The following CDH7 variants were observed in gnomAD, a reference collection of about 807,000 sequenced individuals.
The protein encoded by CDH7 is cadherin 7, also known as cadherin-7.
In CDH7, 25 loss-of-function variants were observed where a neutral mutation model predicts 71.8. That is an observed-to-expected ratio of 0.35 (90% CI 0.25 to 0.49). CDH7 has a LOEUF of 0.49. Ranked by LOEUF, CDH7 falls within the 20% of genes least tolerant of loss-of-function variation. CDH7 has a pLI of 0.99. For missense variants in CDH7, 862 were observed against 974.6 expected, an observed-to-expected ratio of 0.88 and a Z score of 1.54; for synonymous variants, 381 against 363.8, an observed-to-expected ratio of 1.05 and a Z score of -0.54.
chr18:65,811,824 G>A (rs1449681927), intron 3 of CDH7, among the ~76,000 whole-genome samples: 1 of 151,962 alleles, frequency 6.6e-6, no homozygotes, highest in Non-Finnish European at 1.5e-5. Flanking sequence ...GTGCACTGTT[G>A]TTTTGATTTT....
intron 2 of CDH7, among the ~76,000 whole-genome samples, chr18:65,776,257 T>TC (rs1909935218): frequency 6.6e-6 from 1 of 151,890 alleles, no homozygotes; most frequent in Admixed American, 6.6e-5. Flanking sequence ...CAGAAACACT[T>TC]CCAGGATTTG....
Position 65,763,121 on chromosome 18 carries a change from C to CTA in CDH7, c.210+80_210+81dup, listed in dbSNP as rs759190447. 169 of 822,794 alleles carry CTA rather than the reference C, an allele frequency of 2.1e-4. No homozygotes were observed. In the East Asian group the frequency reaches 2.4e-3, roughly 12 times the overall value. 51.0% of individuals were successfully genotyped at this position (822,794 alleles called of 1,614,324 possible). A position where few individuals can be genotyped will look rare whatever the true frequency, so the allele number is the denominator to read the frequency against. On this transcript the variant is annotated intron_variant, in intron 2 of 11. Transcript: ENST00000397968. The stretch of plus-strand genomic sequence containing the variant: ...ATGTCTATGGTTTGATGAAAAACTG[C>CTA]TATATATATATAAAATTTATTTTTT...
At chr18:65,853,925 A>C (rs1913244160) in intron 7 of CDH7, among the ~76,000 whole-genome samples, 1 of 84,548 alleles carries the variant, frequency 1.2e-5, no homozygotes, top group African/African-American at 4.8e-5. Flanking sequence ...ATATATATAT[A>C]TATATATATA....
intron 6 of CDH7, among the ~76,000 whole-genome samples, chr18:65,827,561 C>A (rs1262990571): frequency 1.3e-5 from 2 of 151,800 alleles, no homozygotes; most frequent in East Asian, 1.9e-4. Context: ...CATTTTGAGC[C>A]TAAACACACT....
chr18:65,880,867 G>A lies in CDH7; in HGVS notation c.2331G>A (p.Gly777=). ...PRFKRLADMY[G]TGQESLYS ...TTAAACGACTCGCGGACATGTATGG[G>A]ACTGGCCAAGAGAGTTTGTACTCAT... Residue 777 remains glycine (G), a synonymous_variant, in exon 12 of 12, where the codon GGG becomes GGA. Coordinates refer to ENST00000397968, the MANE Select transcript of CDH7 (RefSeq NM_004361.5). 3 of 1,613,714 alleles carry A rather than the reference G, an allele frequency of 1.9e-6. No individual in the cohort carries two copies. The South Asian group carries it at 3.3e-5, about 18-fold the overall frequency.
chr18:65,760,673 C>A (rs138260135), intron 1 of CDH7, among the ~76,000 whole-genome samples: 2 of 152,244 alleles, frequency 1.3e-5, no homozygotes, highest in Non-Finnish European at 2.9e-5. Flanking sequence ...GCCACCTGAC[C>A]AGATCTCTAA....
intron 2 of CDH7, among the ~76,000 whole-genome samples, chr18:65,809,148 G>A (rs936278383): frequency 2.0e-5 from 3 of 152,062 alleles, no homozygotes; most frequent in Non-Finnish European, 2.9e-5. Flanking sequence ...TTTAAAATAC[G>A]GAACAGGACT....
chr18:65,797,460 G>A (rs1220916594), intron 2 of CDH7, among the ~76,000 whole-genome samples: 1 of 152,178 alleles, frequency 6.6e-6, no homozygotes, highest in East Asian at 1.9e-4. Context: ...TTGCAGAGAT[G>A]AGTCCCCAAG....
chr18:65,782,020 C>G (rs200932522), intron 2 of CDH7, among the ~76,000 whole-genome samples: 1 of 46,804 alleles, frequency 2.1e-5, no homozygotes, highest in Non-Finnish European at 3.6e-5. Context: ...CTTTCTCTCT[C>G]TCTTTCTCCC....
At position 65,810,120 on chromosome 18, in the gene CDH7, G is replaced by A. The variant is rs574017819; in HGVS notation, c.505+122G>A. On this transcript the variant is annotated intron_variant, in intron 3 of 11. Coordinates refer to ENST00000397968, the MANE Select transcript of CDH7 (RefSeq NM_004361.5). ...CCTTACTAGTATGTGTGTATTGATT[G>A]TCAGTTAGGGTGAGGGGAACATTTG... 7.8e-6 allele frequency: 6 copies of A among 766,214 alleles called. No homozygotes were observed. In the East Asian group the frequency reaches 1.5e-4, roughly 20 times the overall value. 47.5% of individuals were successfully genotyped at this position (766,214 alleles called of 1,614,324 possible). A position where few individuals can be genotyped will look rare whatever the true frequency, so the allele number is the denominator to read the frequency against.
intron 2 of CDH7, among the ~76,000 whole-genome samples, chr18:65,773,485 T>TGA (rs1916606595): frequency 6.6e-6 from 1 of 152,114 alleles, no homozygotes. Flanking sequence ...GTCCATCTCT[T>TGA]AGTGGAAGCA....
chr18:65,881,055 T>A lies in CDH7; in HGVS notation c.*161T>A. On this transcript the variant is annotated 3_prime_UTR_variant, in exon 12 of 12. Coordinates refer to ENST00000397968, the MANE Select transcript of CDH7 (RefSeq NM_004361.5). The stretch of plus-strand genomic sequence containing the variant: ...CTCCATTTTTAATTGTTTAGATTTC[T>A]GCCTTGGTGAGGCATATCTTCATTA... The A allele has an allele frequency of 1.4e-6, 1 of 739,688 alleles. No homozygotes were observed. Among genetic ancestry groups the A allele is most frequent in the South Asian group, 2.2e-5 (1 of 44,466 alleles). The allele number at this position is 739,688 out of a possible 1,614,324, so 45.8% of individuals were successfully genotyped here.
Position 65,885,265 on chromosome 18 carries a change from T to G in CDH7, c.*4371T>G, listed in dbSNP as rs964205881. ...TGTAACGTATAATTCTGTGGGAAAT[T>G]TTTCAAGCAAATCAAGACAGGCAGT... On this transcript the variant is annotated 3_prime_UTR_variant, in exon 12 of 12. Coordinates refer to ENST00000397968, the MANE Select transcript of CDH7 (RefSeq NM_004361.5). 9.2e-5 allele frequency: 14 copies of G among 151,832 alleles called. No homozygotes were observed. Among genetic ancestry groups the G allele is most frequent in the African/African-American group, 3.4e-4 (14 of 41,354 alleles). The allele number at this position is 151,832 out of a possible 1,614,324, so 9.4% of individuals were successfully genotyped here. A position where few individuals can be genotyped will look rare whatever the true frequency, so the allele number is the denominator to read the frequency against.
intron 2 of CDH7, among the ~76,000 whole-genome samples, chr18:65,791,793 T>C (rs139820273): frequency 6.6e-6 from 1 of 152,330 alleles, no homozygotes; most frequent in Non-Finnish European, 1.5e-5. Context: ...ACACTGTCCC[T>C]AGTTTCATAA....
intron 6 of CDH7, among the ~76,000 whole-genome samples, chr18:65,843,261 A>G (rs1282303795): frequency 6.6e-6 from 1 of 152,150 alleles, no homozygotes; most frequent in Admixed American, 6.6e-5. Flanking sequence ...GAAGGCAGAC[A>G]TGATGGGTGC....
intron 2 of CDH7, among the ~76,000 whole-genome samples, chr18:65,778,549 T>TTTTTTTTTTTTTTTTTTA (rs1267851629): frequency 6.8e-6 from 1 of 146,802 alleles, no homozygotes; most frequent in Non-Finnish European, 1.5e-5. Flanking sequence ...TTTTTTTTTT[T>TTTTTTTTTTTTTTTTTTA]ACATAAAAAT....
At chr18:65,844,172 C>CATATATATATATATATATAT (rs1429535980) in intron 7 of CDH7, 107 bp downstream of exon 7, 1 of 59,272 alleles carries the variant, frequency 1.7e-5, no homozygotes, top group African/African-American at 1.2e-4. Context: ...AAATAAAAAC[C>CATATATATATATATATATAT]AGATATATAT....
At chr18:65,818,963 A>G (rs12457750) in intron 4 of CDH7, among the ~76,000 whole-genome samples, 2 of 151,792 alleles carry the variant, frequency 1.3e-5, no homozygotes, top group Non-Finnish European at 2.9e-5. Flanking sequence ...GGTAGGAGAG[A>G]CCAGCAGGAC....
intron 2 of CDH7, among the ~76,000 whole-genome samples, chr18:65,799,009 G>C (rs1180914715): frequency 6.6e-6 from 1 of 152,006 alleles, no homozygotes; most frequent in Non-Finnish European, 1.5e-5. Flanking sequence ...TTTCCTGCTG[G>C]AATTCACAAG....
Sources: allele counts gnomAD v4.1 joint callset (sites outside exome capture counted in the v4.1 genomes callset), GRCh38; gene constraint gnomAD v4.1.1; transcripts MANE v1.5; gene names NCBI Gene and HGNC (gene_info 2026-07-23, HGNC 2026-07-21).